The following KDM6A variants were observed in gnomAD, a reference collection of about 807,000 sequenced individuals.
KDM6A encodes lysine-specific demethylase 6A.
In KDM6A, 11 loss-of-function variants were observed where a neutral mutation model predicts 117.6. That is an observed-to-expected ratio of 0.09 (90% CI 0.06 to 0.15). KDM6A has a LOEUF of 0.15. Among genes scored for constraint, KDM6A ranks in the 10% least tolerant of loss-of-function variants. KDM6A has a pLI of 1.00. For synonymous variants in KDM6A, 384 were observed against 396.1 expected (o/e 0.97, Z 0.36); for missense variants, 799 against 1,077.3 (o/e 0.74, Z 3.62).
chrX:44,918,595 A>T (rs1249242215), intron 2 of KDM6A, among the ~76,000 whole-genome samples: 1 of 111,792 alleles, frequency 8.9e-6, no homozygotes, highest in Non-Finnish European at 1.9e-5. Flanking sequence ...CATAGTGAAA[A>T]TTCTAGGAGA....
intron 18 of KDM6A, among the ~76,000 whole-genome samples, chrX:45,072,866 A>AATAT (rs35510523): frequency 8.5e-5 from 9 of 105,428 alleles, no homozygotes; most frequent in African/African-American, 2.1e-4. Flanking sequence ...AAAATATAAT[A>AATAT]ATATATATAT....
intron 4 of KDM6A, among the ~76,000 whole-genome samples, chrX:44,986,910 G>A (rs904779697): frequency 1.6e-4 from 18 of 111,806 alleles, no homozygotes; most frequent in Admixed American, 2.8e-4. Flanking sequence ...GGAGAGTCCT[G>A]TAGATGTCTA....
intron 3 of KDM6A, among the ~76,000 whole-genome samples, chrX:44,972,230 G>T (rs1308060414): frequency 9.0e-6 from 1 of 110,615 alleles, no homozygotes; most frequent in Non-Finnish European, 1.9e-5. Context: ...CCTATATATG[G>T]TTTAAAGACT....
At chrX:45,052,885 G>A (rs765418810) in intron 9 of KDM6A, among the ~76,000 whole-genome samples, 3 of 110,547 alleles carry the variant, frequency 2.7e-5, no homozygotes, top group African/African-American at 9.9e-5. Flanking sequence ...TAGAGACAAG[G>A]TCTCTCTCTG....
intron 10 of KDM6A, among the ~76,000 whole-genome samples, chrX:45,058,262 T>G (rs1396023588): frequency 1.3e-4 from 14 of 108,854 alleles, no homozygotes; most frequent in Admixed American, 3.9e-4. Flanking sequence ...TGGGTTTTTG[T>G]TTTTTTTCTT....
chrX:45,022,790 C>T (rs980574138), intron 6 of KDM6A, among the ~76,000 whole-genome samples: 3 of 111,448 alleles, frequency 2.7e-5, no homozygotes, highest in Non-Finnish European at 5.7e-5. Context: ...CTCAGGGACT[C>T]CAACTCAAAT....
At chrX:44,997,493 T>C (rs2040919258) in intron 4 of KDM6A, among the ~76,000 whole-genome samples, 1 of 111,790 alleles carries the variant, frequency 8.9e-6, no homozygotes, top group South Asian at 3.8e-4. Flanking sequence ...TGTGTTCCTC[T>C]CGCCATCTAG....
intron 28 of KDM6A, among the ~76,000 whole-genome samples, chrX:45,109,069 T>C (rs2046653251): frequency 9.6e-6 from 1 of 103,877 alleles, no homozygotes; most frequent in Non-Finnish European, 2.0e-5. Context: ...TGTATACATA[T>C]GTAACTAACC....
At chrX:45,004,985 T>C (rs1460902675) in intron 4 of KDM6A, among the ~76,000 whole-genome samples, 2 of 111,102 alleles carry the variant, frequency 1.8e-5, no homozygotes, top group African/African-American at 6.6e-5. Context: ...TTTTTAAAAT[T>C]CTAGACTTTG....
At chrX:44,878,957 C>T (rs1302554085) in intron 2 of KDM6A, among the ~76,000 whole-genome samples, 2 of 111,005 alleles carry the variant, frequency 1.8e-5, no homozygotes, top group Non-Finnish European at 3.8e-5. Context: ...CCTGACCTCA[C>T]GTGATCAGCC....
In KDM6A at chrX:45,058,989, TTCCC is replaced by T. The variant is rs1268186477; in HGVS notation, c.876-15_876-12del. On this transcript the variant is annotated splice_polypyrimidine_tract_variant and intron_variant, in intron 10 of 29. Coordinates refer to ENST00000611820, the MANE Select transcript of KDM6A (RefSeq NM_001291415.2). ...GGAATTCTCTTGATTTTTTTTTTTTTTCCCTTCCCTTCTCAGGTGCTATTCAAGT... is the reference window on the plus strand; with the variant it reads ...GGAATTCTCTTGATTTTTTTTTTTTTTTCCCTTCTCAGGTGCTATTCAAGT... The T allele has an allele frequency of 6.0e-6, 7 of 1,166,505 alleles. No homozygotes were observed. The African/African-American group carries it at 7.2e-5, about 12-fold the overall frequency.
chrX:45,001,540 G>C (rs1569513881), intron 4 of KDM6A, among the ~76,000 whole-genome samples: 1 of 111,315 alleles, frequency 9.0e-6, no homozygotes, highest in African/African-American at 3.3e-5. Flanking sequence ...AGGAGGGACA[G>C]AGGTACTTTT....
chrX:45,077,673 G>A (rs142885191), intron 19 of KDM6A, among the ~76,000 whole-genome samples: 4,277 of 110,830 alleles, frequency 0.039, 216 homozygotes, highest in African/African-American at 0.13. Flanking sequence ...AAAAAAAAAT[G>A]CAAAATTAAG....
At position 45,061,957 on chromosome X, in the gene KDM6A, T is replaced by C. The variant is rs191020674; in HGVS notation, c.1581+538T>C. Among the ~76,000 whole-genome samples, 5 of 109,111 alleles carry C rather than the reference T, an allele frequency of 4.6e-5. No individual in the cohort carries two copies. In the East Asian group the frequency reaches 1.4e-3, roughly 31 times the overall value. 94.7% of individuals were successfully genotyped at this position (109,111 alleles called of 115,157 possible). Reference sequence around the variant, plus strand: ...GTTTACACTACATAAAGTATAAATATAGGGTATATAGGGTAAAGTTTTCTT... The same window carrying C: ...GTTTACACTACATAAAGTATAAATACAGGGTATATAGGGTAAAGTTTTCTT... On this transcript the variant is annotated intron_variant, in intron 15 of 29. Coordinates refer to ENST00000611820, the MANE Select transcript of KDM6A (RefSeq NM_001291415.2).
rs188246866 is a variant in KDM6A, at chrX:44,992,762, G to A, written c.384+18047G>A. On this transcript the variant is annotated intron_variant, in intron 4 of 29. Transcript: ENST00000611820. ...GGGGTTTCACCATGTTGGCCAGAAT[G>A]GTCTCAATCTCCTGACCATGTGATC... Among the ~76,000 whole-genome samples, 10 of 108,709 alleles carry A rather than the reference G, an allele frequency of 9.2e-5. No individual in the cohort carries two copies. In the East Asian group the frequency reaches 2.9e-3, roughly 31 times the overall value. 94.4% of individuals were successfully genotyped at this position (108,709 alleles called of 115,157 possible). A position where few individuals can be genotyped will look rare whatever the true frequency, so the allele number is the denominator to read the frequency against.
intron 8 of KDM6A, among the ~76,000 whole-genome samples, chrX:45,041,547 C>T (rs1385292397): frequency 9.1e-6 from 1 of 109,610 alleles, no homozygotes; most frequent in Non-Finnish European, 1.9e-5. Flanking sequence ...GGGCGGTTGC[C>T]AGGCAGAGGG....
intron 27 of KDM6A, among the ~76,000 whole-genome samples, chrX:45,104,494 G>T (rs2046456481): frequency 8.9e-6 from 1 of 112,074 alleles, no homozygotes; most frequent in African/African-American, 3.2e-5. Context: ...AGCAGAACAG[G>T]TTATCATTTA....
In KDM6A at chrX:45,047,674, C is replaced by CTTTTTTTTTTTTTTTTTTTTTTTTTT. The variant is rs78749806; in HGVS notation, c.655-4031_655-4006dup. ...TCAAATATCTGCTTGCTTTTTTTTT[C>CTTTTTTTTTTTTTTTTTTTTTTTTTT]TTTTTTTTTTTTTTTTTTTTTTTTT... is the stretch of plus-strand genomic sequence containing the variant. On this transcript the variant is annotated intron_variant, in intron 8 of 29. Transcript: ENST00000611820. Among the ~76,000 whole-genome samples the CTTTTTTTTTTTTTTTTTTTTTTTTTT allele has an allele frequency of 1.9e-4, 7 of 36,334 alleles. 2 individuals carry two copies. Among genetic ancestry groups the CTTTTTTTTTTTTTTTTTTTTTTTTTT allele is most frequent in the African/African-American group, 2.7e-4 (3 of 11,036 alleles). 31.6% of individuals were successfully genotyped at this position (36,334 alleles called of 115,157 possible).
At chrX:44,939,603 G>C in intron 2 of KDM6A, among the ~76,000 whole-genome samples, 1 of 112,297 alleles carries the variant, frequency 8.9e-6, no homozygotes, top group Non-Finnish European at 1.9e-5. Flanking sequence ...AGTAGTGGCA[G>C]GGTTTGAGAG....
Sources: allele counts gnomAD v4.1 joint callset (sites outside exome capture counted in the v4.1 genomes callset), GRCh38; gene constraint gnomAD v4.1.1; transcripts MANE v1.5; gene names NCBI Gene and HGNC (gene_info 2026-07-23, HGNC 2026-07-21).